The following SPAG9 variants were observed in gnomAD, a reference collection of about 807,000 sequenced individuals.
SPAG9 encodes the protein C-Jun-amino-terminal kinase-interacting protein 4.
Under a neutral mutation model 166.5 loss-of-function variants are expected in SPAG9, and 35 were observed. The ratio of observed to expected loss-of-function variants is 0.21; its 90% CI spans 0.16 to 0.28. SPAG9 has a LOEUF of 0.28. SPAG9 is among the 10% of genes least tolerant of loss of function. The pLI, the probability that SPAG9 is intolerant of heterozygous loss-of-function variation, is 1.00. For synonymous variants in SPAG9, 534 were observed against 565.5 expected (o/e 0.94, Z 0.79); for missense variants, 1,235 against 1,603.3 (o/e 0.77, Z 3.92).
chr17:51,060,736 C>T (rs968247285), intron 2 of SPAG9, among the ~76,000 whole-genome samples: 1 of 152,022 alleles, frequency 6.6e-6, no homozygotes, highest in Non-Finnish European at 1.5e-5. Flanking sequence ...AGCCTCCAGA[C>T]TGTGAGAAAT....
rs533193631 is a variant in SPAG9, at chr17:51,102,507, AT to A, written c.303+17846del. ...GCACTTAATCTTCATTTGTATGGAA[AT>A]TTTTTTTTTTTGAGGTGGAGTCTCG... On this transcript the variant is annotated intron_variant, in intron 1 of 29. Transcript: ENST00000262013. 4.8e-4 allele frequency among the ~76,000 whole-genome samples: 70 copies of A among 147,360 alleles called. No homozygotes were observed. The Middle Eastern group carries it at 0.014, about 29-fold the overall frequency.
intron 28 of SPAG9, 143 bp downstream of exon 28, chr17:50,974,628 A>G (rs1460362637): frequency 1.6e-6 from 1 of 606,774 alleles, no homozygotes; most frequent in South Asian, 3.0e-5. Context: ...CCTTAGTCAC[A>G]CCTCCATTAC....
chr17:51,103,517 C>T (rs572351331), intron 1 of SPAG9, among the ~76,000 whole-genome samples: 2 of 152,278 alleles, frequency 1.3e-5, no homozygotes, highest in African/African-American at 4.8e-5. Context: ...TTTTACAAAC[C>T]AAATTCAAAA....
At chr17:51,095,874 G>A (rs1269988409) in intron 1 of SPAG9, among the ~76,000 whole-genome samples, 2 of 143,192 alleles carry the variant, frequency 1.4e-5, no homozygotes, top group African/African-American at 5.1e-5. Context: ...ATATAGTGAT[G>A]TGATATATAT....
At chr17:51,109,227 T>C (rs2049036206) in intron 1 of SPAG9, among the ~76,000 whole-genome samples, 1 of 151,904 alleles carries the variant, frequency 6.6e-6, no homozygotes, top group African/African-American at 2.4e-5. Flanking sequence ...ACATTTAAAT[T>C]TCTTTTTCTT....
intron 13 of SPAG9, 77 bp downstream of exon 13, chr17:51,001,637 GA>G: frequency 7.2e-7 from 1 of 1,396,078 alleles, no homozygotes; most frequent in Non-Finnish European, 9.8e-7. Flanking sequence ...TACAGGGCAG[GA>G]CTTAAGTTCC....
At chr17:51,011,384 A>C (rs1597986499) in intron 9 of SPAG9, among the ~76,000 whole-genome samples, 1 of 147,884 alleles carries the variant, frequency 6.8e-6, no homozygotes, top group East Asian at 2.0e-4. Context: ...GAAGCCAAGG[A>C]CTTTTTTTTT....
At chr17:51,026,616 G>A (rs2046183043) in intron 6 of SPAG9, among the ~76,000 whole-genome samples, 1 of 151,406 alleles carries the variant, frequency 6.6e-6, no homozygotes, top group Non-Finnish European at 1.5e-5. Flanking sequence ...GATACAGCAT[G>A]AGAGCTGAGA....
intron 29 of SPAG9, among the ~76,000 whole-genome samples, chr17:50,970,369 C>T (rs1251503474): frequency 1.3e-5 from 2 of 151,974 alleles, no homozygotes; most frequent in Admixed American, 1.3e-4. Flanking sequence ...CAGAAACTAG[C>T]CAGATGTGGT....
At position 51,054,887 on chromosome 17, in the gene SPAG9, A is replaced by G. The variant is rs117129102; in HGVS notation, c.495+1525T>C. Among the ~76,000 whole-genome samples, 496 of 152,216 alleles carry G rather than the reference A, an allele frequency of 3.3e-3. 3 individuals carry two copies. The highest frequency in any genetic ancestry group is 4.6e-3 in the Non-Finnish European group (316 of 68,008). ...ACTTCATGCTTTGGGTATGGTTATT[A>G]AGCTAAGATTGTAATAATCAAATCT... On this transcript the variant is annotated intron_variant, in intron 3 of 29. Transcript: ENST00000262013.
chr17:51,096,006 GATATATATATATAGTGAT>G (rs1568084051), intron 1 of SPAG9, among the ~76,000 whole-genome samples: 20 of 88,544 alleles, frequency 2.3e-4, no homozygotes, highest in South Asian at 3.3e-4. Context: ...TATATATAGT[GATATATATATATAGTGAT>G]ATATATATAT....
intron 1 of SPAG9, among the ~76,000 whole-genome samples, chr17:51,086,721 A>C (rs1598155056): frequency 6.6e-6 from 1 of 152,240 alleles, no homozygotes; most frequent in African/African-American, 2.4e-5. Flanking sequence ...CAGGAGTTCA[A>C]GACCAGCCTA....
At chr17:51,087,564 G>A (rs2048336412) in intron 1 of SPAG9, among the ~76,000 whole-genome samples, 1 of 152,262 alleles carries the variant, frequency 6.6e-6, no homozygotes, top group Non-Finnish European at 1.5e-5. Flanking sequence ...CTTGGGCAAT[G>A]AGTGGCATGG....
At chr17:50,971,159 T>C (rs1433181220) in intron 28 of SPAG9, among the ~76,000 whole-genome samples, 7 of 151,998 alleles carry the variant, frequency 4.6e-5, no homozygotes, top group Admixed American at 1.3e-4. Context: ...CCAAAAAAGT[T>C]AGCCGGGAAT....
chr17:51,009,206 G>T, intron 9 of SPAG9: 1 of 440,104 alleles, frequency 2.3e-6, no homozygotes. Flanking sequence ...CAGAAAGCAA[G>T]AACTAAACTC....
intron 1 of SPAG9, among the ~76,000 whole-genome samples, chr17:51,116,101 A>G (rs2144801990): frequency 6.6e-6 from 1 of 152,042 alleles, no homozygotes; most frequent in South Asian, 2.1e-4. Context: ...GCTGGAGTAC[A>G]GAGGCACGAT....
intron 14 of SPAG9, 103 bp downstream of exon 14, chr17:50,999,558 A>G (rs2044837143): frequency 1.5e-6 from 2 of 1,327,098 alleles, no homozygotes; most frequent in South Asian, 2.7e-5. Flanking sequence ...AAAAAAAAAA[A>G]TGAAGGAAAG....
chr17:50,992,092 T>G (rs1975618069), intron 19 of SPAG9, among the ~76,000 whole-genome samples: 1 of 151,860 alleles, frequency 6.6e-6, no homozygotes, highest in Non-Finnish European at 1.5e-5. Context: ...CTCACTATAT[T>G]GCCCAGACTG....
intron 19 of SPAG9, 64 bp downstream of exon 19, chr17:50,993,700 A>C: frequency 6.6e-7 from 1 of 1,514,296 alleles, no homozygotes; most frequent in East Asian, 2.3e-5. Context: ...TTCAGCTGCT[A>C]CATCAGTGCC....
Sources: gnomAD v4.1 joint callset for allele counts (sites outside exome capture counted in the v4.1 genomes callset) on GRCh38, gnomAD v4.1.1 for gene constraint, MANE v1.5 for transcripts, NCBI Gene and HGNC (gene_info 2026-07-23, HGNC 2026-07-21) for gene names.